DCDC1: variants seen among roughly 807,000 people sequenced by gnomAD.
DCDC1 encodes the protein doublecortin domain containing 1, also known as doublecortin domain-containing protein 1.
Under a neutral mutation model 178.3 loss-of-function variants are expected in DCDC1, and 200 were observed. The ratio of observed to expected loss-of-function variants is 1.12; its 90% CI spans 1.00 to 1.26. The LOEUF is 1.26. Ranked by LOEUF, DCDC1 falls within the 50% of genes most tolerant of loss-of-function variation. The probability of loss-of-function intolerance (pLI) is 0.00; values close to 1 mark genes in which losing one functional copy is unlikely to be tolerated. For synonymous variants in DCDC1, 690 were observed against 604.8 expected, an observed-to-expected ratio of 1.14 and a Z score of -2.07; for missense variants, 1,983 against 1,749.2, an observed-to-expected ratio of 1.13 and a Z score of -2.38.
chr11:31,250,389 C>T (rs1055331682), intron 8 of DCDC1, among the ~76,000 whole-genome samples: 79 of 87,562 alleles, frequency 9.0e-4, no homozygotes, highest in African/African-American at 8.3e-3. Flanking sequence ...AATGAATACA[C>T]ACACACACAC....
intron 35 of DCDC1, 79 bp downstream of exon 35, chr11:30,894,169 T>A: frequency 6.6e-7 from 1 of 1,519,030 alleles, no homozygotes; most frequent in Non-Finnish European, 8.8e-7. Flanking sequence ...AACAGTATCA[T>A]TTTAAAATTC....
chr11:31,350,469 AG>A (rs1182764445), intron 1 of DCDC1, among the ~76,000 whole-genome samples: 3 of 152,132 alleles, frequency 2.0e-5, no homozygotes, highest in African/African-American at 7.2e-5. Context: ...ATATCTAATT[AG>A]CCCAGTGTCC....
chr11:31,181,172 C>G (rs1372121541), intron 9 of DCDC1, among the ~76,000 whole-genome samples: 4 of 152,328 alleles, frequency 2.6e-5, no homozygotes, highest in East Asian at 1.9e-4. Flanking sequence ...TAGATTCCTC[C>G]TCTCTGGGCA....
At position 31,116,630 on chromosome 11, in the gene DCDC1, T is replaced by C. The variant is rs536646109; in HGVS notation, c.1486-6269A>G. 5.3e-5 allele frequency among the ~76,000 whole-genome samples: 8 copies of C among 152,146 alleles called. No homozygotes were observed. The South Asian group carries it at 1.5e-3, about 28-fold the overall frequency. ...CTAATTTTAATATTCAAAGTGATAA[T>C]GACAAACCAAATATTAAAATTATGG... On this transcript the variant is annotated intron_variant, in intron 11 of 38. Transcript: ENST00000684477.
rs550421409 is a variant in DCDC1, at chr11:31,258,648, G to A, written c.1054+6859C>T. Reference sequence around the variant, plus strand: ...TTAGGAGGAAATGGCAGCAGTGTTCGTCCTCACTGGGACCCTTAGCACATA... The same window carrying A: ...TTAGGAGGAAATGGCAGCAGTGTTCATCCTCACTGGGACCCTTAGCACATA... On this transcript the variant is annotated intron_variant, in intron 8 of 38. Coordinates refer to ENST00000684477, the MANE Select transcript of DCDC1 (RefSeq NM_001387274.1). Among the ~76,000 whole-genome samples, 7 of 152,264 alleles carry A rather than the reference G, an allele frequency of 4.6e-5. No homozygotes were observed. In the East Asian group the frequency reaches 1.2e-3, roughly 25 times the overall value.
chr11:31,182,163 C>T (rs1968885060), intron 9 of DCDC1, among the ~76,000 whole-genome samples: 1 of 152,176 alleles, frequency 6.6e-6, no homozygotes, highest in East Asian at 1.9e-4. Flanking sequence ...AGTTGGAAAA[C>T]ACTCTTCAGG....
rs374620942 is a variant in DCDC1, at chr11:31,290,671, T to C, written c.936A>G (p.Thr312=). The change falls in exon 7 of 39, where the codon ACA becomes ACG. Residue 312 remains threonine (T), a synonymous_variant. Transcript: ENST00000684477. ...CCTTTTTCATTGTTTCTTTTCCCAC[T>C]GTAATCTCATGCCCATCCTGCCCCA... ...NGMGQDGHEI[T]VGKETMKKVL... is the part of the protein sequence containing the mutation. 43 of 1,612,380 alleles carry C rather than the reference T, an allele frequency of 2.7e-5. No homozygotes were observed. The Middle Eastern group carries it at 3.5e-3, about 130-fold the overall frequency.
intron 9 of DCDC1, among the ~76,000 whole-genome samples, chr11:31,227,238 A>C (rs931877880): frequency 1.3e-5 from 2 of 152,186 alleles, no homozygotes; most frequent in African/African-American, 4.8e-5. Context: ...CTGTACAAGC[A>C]TGGCTCCAGC....
In DCDC1 at chr11:30,916,867, T is replaced by A; in HGVS notation, c.3452+3A>T. On this transcript the variant is annotated splice_donor_region_variant and intron_variant, in intron 26 of 38. Transcript: ENST00000684477. ...TTAAGAGGAATCCTTTGCAACTTTT[T>A]ACCTGTGTTTCTTCTGTGGTTCCAC... 6.3e-7 allele frequency: 1 copy of A among 1,596,402 alleles called. No individual in the cohort carries two copies.
intron 9 of DCDC1, among the ~76,000 whole-genome samples, chr11:31,186,138 A>G (rs1365515297): frequency 6.6e-6 from 1 of 152,018 alleles, no homozygotes; most frequent in Non-Finnish European, 1.5e-5. Context: ...CTACACTTAC[A>G]ATAAAATCCA....
At chr11:31,307,578 T>C (rs1043808688) in intron 4 of DCDC1, 61 bp downstream of exon 4, 2 of 1,580,198 alleles carry the variant, frequency 1.3e-6, no homozygotes. Context: ...CATTATAAAC[T>C]CTGCTCAAAG....
chr11:31,343,336 C>T (rs1160388035), intron 1 of DCDC1, among the ~76,000 whole-genome samples: 1 of 152,004 alleles, frequency 6.6e-6, no homozygotes, highest in African/African-American at 2.4e-5. Flanking sequence ...GATGGAGTTT[C>T]ACTCTTGTTG....
intron 20 of DCDC1, among the ~76,000 whole-genome samples, chr11:31,044,030 G>A (rs1318987950): frequency 1.3e-5 from 2 of 151,842 alleles, no homozygotes; most frequent in African/African-American, 4.8e-5. Flanking sequence ...CTGTGAATAC[G>A]AGATATCACT....
intron 20 of DCDC1, among the ~76,000 whole-genome samples, chr11:30,961,829 A>G (rs1351414665): frequency 6.6e-6 from 1 of 152,024 alleles, no homozygotes; most frequent in Non-Finnish European, 1.5e-5. Context: ...GAATTTGAAA[A>G]TAGCCCATCA....
At chr11:31,038,303 A>G (rs1212034977) in intron 20 of DCDC1, among the ~76,000 whole-genome samples, 3 of 152,100 alleles carry the variant, frequency 2.0e-5, no homozygotes, top group Non-Finnish European at 4.4e-5. Context: ...GGATACCTGG[A>G]GAGTATTTGT....
chr11:31,258,700 C>G (rs1944578918), intron 8 of DCDC1, among the ~76,000 whole-genome samples: 1 of 152,122 alleles, frequency 6.6e-6, no homozygotes, highest in Admixed American at 6.5e-5. Context: ...ATAGCTGCTT[C>G]AATTTGGAAA....
chr11:31,249,968 G>T (rs756065045), intron 8 of DCDC1, among the ~76,000 whole-genome samples: 5 of 151,988 alleles, frequency 3.3e-5, no homozygotes, highest in African/African-American at 4.8e-5. Context: ...AATATTTAAT[G>T]AACAGAGAGA....
chr11:30,887,797 G>T (rs948655194), intron 36 of DCDC1, among the ~76,000 whole-genome samples: 12 of 151,980 alleles, frequency 7.9e-5, no homozygotes, highest in Non-Finnish European at 1.8e-4. Flanking sequence ...ATCACTTGAG[G>T]TCAGGAGTCT....
chr11:31,199,977 C>T (rs900205410), intron 9 of DCDC1, among the ~76,000 whole-genome samples: 7 of 151,944 alleles, frequency 4.6e-5, no homozygotes, highest in African/African-American at 1.7e-4. Context: ...TAGAGTTGAT[C>T]ATAGATATAT....
Sources: gnomAD v4.1 joint callset for allele counts (sites outside exome capture counted in the v4.1 genomes callset) on GRCh38, gnomAD v4.1.1 for gene constraint, MANE v1.5 for transcripts, NCBI Gene and HGNC (gene_info 2026-07-23, HGNC 2026-07-21) for gene names.